NMUR1: variants seen among roughly 807,000 people sequenced by gnomAD.
The protein encoded by NMUR1 is neuromedin U receptor 1.
In NMUR1, 16 loss-of-function variants were observed where a neutral mutation model predicts 18.8. The ratio of observed to expected loss-of-function variants is 0.85; its 90% CI spans 0.58 to 1.29. The LOEUF is 1.29. Ranked by LOEUF, NMUR1 falls within the 50% of genes most tolerant of loss-of-function variation. The pLI is 0.00. For missense variants in NMUR1, 529 were observed against 580.3 expected (o/e 0.91, Z 0.91); for synonymous variants, 258 against 258.2 (o/e 1.00, Z 0.01).
At position 231,528,178 on chromosome 2, in the gene NMUR1, G is replaced by A. The variant is rs781282455; in HGVS notation, c.843C>T (p.Tyr281=). 6.3e-7 allele frequency: 1 copy of A among 1,595,044 alleles called. No homozygotes were observed. Among genetic ancestry groups the A allele is most frequent in the Non-Finnish European group, 8.5e-7 (1 of 1,170,298 alleles). The part of the protein sequence containing the change: ...GRGSAAARSR[Y]TCRLQQHDRG... ...GATCGTGCTGCTGGAGCCTGCAGGT[G>A]TATCTGGACCTGGCTGCTGCAGAGC... The change falls in exon 2 of 3, where the codon TAC becomes TAT. Residue 281 remains tyrosine (Y), a synonymous_variant. Transcript: ENST00000305141.
chr2:231,530,156 G>A (rs986119088), intron 1 of NMUR1, among the ~76,000 whole-genome samples: 1 of 152,202 alleles, frequency 6.6e-6, no homozygotes, highest in African/African-American at 2.4e-5. Context: ...TGGTCCTCGA[G>A]GAAGGGTCGC....
Position 231,528,412 on chromosome 2 carries a change from C to G in NMUR1, c.609G>C (p.Arg203=). The change falls in exon 2 of 3, where the codon CGG becomes CGC. Residue 203 remains arginine (R), a synonymous_variant. Transcript: ENST00000305141. ...GGCCCCGGCAGGGCACGTGCAGCTG[C>G]CGGATGCCGTGCAGGCTGGTGTTGG... ...SLPNTSLHGI[R]QLHVPCRGPV... The G allele has an allele frequency of 6.2e-7, 1 of 1,613,728 alleles. No individual in the cohort carries two copies. The highest frequency in any genetic ancestry group is 1.3e-5 in the African/African-American group (1 of 75,066).
intron 2 of NMUR1, 140 bp from the exon 3 acceptor site, chr2:231,525,565 T>A: frequency 9.8e-7 from 1 of 1,023,758 alleles, no homozygotes; most frequent in Non-Finnish European, 1.4e-6. Flanking sequence ...TGGAAGTTTC[T>A]GGAAATTTGC....
At chr2:231,530,030 A>T (rs948130261) in intron 1 of NMUR1, among the ~76,000 whole-genome samples, 1 of 152,010 alleles carries the variant, frequency 6.6e-6, no homozygotes, top group Non-Finnish European at 1.5e-5. Flanking sequence ...CCTCTCCTCT[A>T]TTGAGCCCCA....
chr2:231,520,525 C>A (rs1448521449), downstream of NMUR1, among the ~76,000 whole-genome samples: 1 of 152,254 alleles, frequency 6.6e-6, no homozygotes, highest in Non-Finnish European at 1.5e-5. Context: ...CACTGAGTCA[C>A]ACAATGAGAG....
At position 231,525,143 on chromosome 2, in the gene NMUR1, G is replaced by A. The variant is rs1174170196; in HGVS notation, c.1181C>T (p.Thr394Ile). 1.9e-6 allele frequency: 3 copies of A among 1,614,006 alleles called. No individual in the cohort carries two copies. Among genetic ancestry groups the A allele is most frequent in the African/African-American group, 2.7e-5 (2 of 74,926 alleles). Residue 394 changes from threonine (T) to isoleucine (I), a missense_variant, in exon 3 of 3, where the codon ACA (threonine) becomes ATA (isoleucine). Coordinates refer to ENST00000305141, the MANE Select transcript of NMUR1 (RefSeq NM_006056.5). ...HSSHSLSRMT[T>I]GSTLCDVGSL... ...GCCCACATCACACAGGGTGCTGCCT[G>A]TGGTCATCCTGCTGAGGCTGTGGGA...
At position 231,528,511 on chromosome 2, in the gene NMUR1, C is replaced by T. The variant is rs1332894163; in HGVS notation, c.510G>A (p.Arg170=). Residue 170 remains arginine, a synonymous_variant, in exon 2 of 3, where the codon AGG becomes AGA. Transcript: ENST00000305141. ...YVAVVHPLQA[R]SMVTRAHVRR... is the part of the protein sequence containing the mutation. ...GCACATGGGCCCGCGTCACCATGGACCTGGCCTGGAGTGGGTGCACCACGG... is the reference window on the plus strand; with the variant it reads ...GCACATGGGCCCGCGTCACCATGGATCTGGCCTGGAGTGGGTGCACCACGG... The T allele has an allele frequency of 3.1e-6, 5 of 1,613,716 alleles. No homozygotes were observed. Among genetic ancestry groups the T allele is most frequent in the East Asian group, 2.2e-5 (1 of 44,900 alleles).
At chr2:231,525,996 C>A (rs1247781448) in intron 2 of NMUR1, among the ~76,000 whole-genome samples, 1 of 152,088 alleles carries the variant, frequency 6.6e-6, no homozygotes, top group East Asian at 1.9e-4. Flanking sequence ...CCTGCCTTGG[C>A]CCCGGCCTTT....
At position 231,528,963 on chromosome 2, in the gene NMUR1, C is replaced by A. The variant is rs749652031; in HGVS notation, c.58G>T (p.Ala20Ser). ...VLPGDLYPGG[A>S]RNPMACNGSA... is the part of the protein sequence containing the mutation. ...CCATTGCAAGCCATGGGGTTCCTTG[C>A]ACCCCCTGGGTACAGGTCTCCAGGG... Residue 20 changes from alanine to serine, a missense_variant, in exon 2 of 3, where the codon GCA becomes TCA. Coordinates refer to ENST00000305141, the MANE Select transcript of NMUR1 (RefSeq NM_006056.5). 2.5e-6 allele frequency: 4 copies of A among 1,613,882 alleles called. No homozygotes were observed. The highest frequency in any genetic ancestry group is 3.4e-6 in the Non-Finnish European group (4 of 1,179,898).
intron 1 of NMUR1, among the ~76,000 whole-genome samples, chr2:231,530,076 C>T (rs2047399629): frequency 6.6e-6 from 1 of 152,238 alleles, no homozygotes; most frequent in African/African-American, 2.4e-5. Flanking sequence ...CCCCGCTGCA[C>T]AGCAGCGCGG....
In NMUR1 at chr2:231,525,088, A is replaced by G. The variant is rs1017748082; in HGVS notation, c.1236T>C (p.Ala412=). 1.2e-6 allele frequency: 2 copies of G among 1,607,400 alleles called. No homozygotes were observed. Among genetic ancestry groups the G allele is most frequent in the Admixed American group, 1.7e-5 (1 of 59,482 alleles). The stretch of plus-strand genomic sequence containing the variant: ...GCTGCGCCTCTGGGCCATCGTTCCC[A>G]GCCAGGGGGTGGACCCAGCTGCCCA... The part of the protein sequence containing the change: ...GSLGSWVHPL[A]GNDGPEAQQE... The change falls in exon 3 of 3, where the codon GCT becomes GCC. Residue 412 remains alanine, a synonymous_variant. Transcript: ENST00000305141.
In NMUR1 at chr2:231,524,981, G is replaced by A; in HGVS notation, c.*62C>T. The A allele has an allele frequency of 1.3e-6, 2 of 1,502,256 alleles. No homozygotes were observed. The highest frequency in any genetic ancestry group is 2.3e-5 in the Admixed American group (1 of 44,412). The allele number at this position is 1,502,256 out of a possible 1,614,324, so 93.1% of individuals were successfully genotyped here. On this transcript the variant is annotated 3_prime_UTR_variant, in exon 3 of 3. Transcript: ENST00000305141. ...GGCATCCCTGCAGAGGAAGGCAGAT[G>A]TGTCTCCCCAGCTCCAGGTGACCCT... is the stretch of plus-strand genomic sequence containing the variant.
Position 231,524,774 on chromosome 2 carries a change from T to C in NMUR1, c.*269A>G, listed in dbSNP as rs1431795443. 2 of 392,484 alleles carry C rather than the reference T, an allele frequency of 5.1e-6. No homozygotes were observed. The highest frequency in any genetic ancestry group is 9.1e-6 in the Non-Finnish European group (2 of 219,522). 24.3% of individuals were successfully genotyped at this position (392,484 alleles called of 1,614,324 possible). On this transcript the variant is annotated 3_prime_UTR_variant, in exon 3 of 3. Coordinates refer to ENST00000305141, the MANE Select transcript of NMUR1 (RefSeq NM_006056.5). ...ACTGCTGAGCCCCAGCTAACTGTGATATTTCTGCAGGGTAAGGATTTGAAC... is the reference window on the plus strand; with the variant it reads ...ACTGCTGAGCCCCAGCTAACTGTGACATTTCTGCAGGGTAAGGATTTGAAC...
chr2:231,527,215 C>T (rs934477607), intron 2 of NMUR1, among the ~76,000 whole-genome samples: 7 of 152,194 alleles, frequency 4.6e-5, no homozygotes, highest in South Asian at 2.1e-4. Context: ...ACCTAGGCCA[C>T]GCCCATCAGA....
At chr2:231,525,571 T>C in intron 2 of NMUR1, 146 bp from the exon 3 acceptor site, 1 of 981,742 alleles carries the variant, frequency 1.0e-6, no homozygotes, top group Non-Finnish European at 1.5e-6. Flanking sequence ...TTTCTGGAAA[T>C]TTGCCTGTTC....
intron 2 of NMUR1, among the ~76,000 whole-genome samples, chr2:231,527,869 C>T (rs914084399): frequency 6.6e-6 from 1 of 152,096 alleles, no homozygotes; most frequent in Non-Finnish European, 1.5e-5. Context: ...TCATGTTGCA[C>T]TGGACTCCAC....
downstream of NMUR1, among the ~76,000 whole-genome samples, chr2:231,519,841 C>T (rs977151187): frequency 6.6e-6 from 1 of 152,166 alleles, no homozygotes; most frequent in African/African-American, 2.4e-5. Context: ...CCTGTAATCC[C>T]AGCACTTTGG....
At chr2:231,527,637 CAAAAAAA>C (rs10522812) in intron 2 of NMUR1, among the ~76,000 whole-genome samples, 2 of 99,984 alleles carry the variant, frequency 2.0e-5, no homozygotes, top group African/African-American at 4.6e-5. Context: ...GACCCTGTCT[CAAAAAAA>C]AAAAAAAAAA....
rs148155196 is a variant in NMUR1 at position 231,528,494 on chromosome 2, G to A, written c.527C>T (p.Ala176Val). Reference sequence around the variant, plus strand: ...GGCCCCAAGCACTCGGCGCACATGGGCCCGCGTCACCATGGACCTGGCCTG... The same window carrying A: ...GGCCCCAAGCACTCGGCGCACATGGACCCGCGTCACCATGGACCTGGCCTG... ...PLQARSMVTR[A>V]HVRRVLGAVW... The change falls in exon 2 of 3, where the codon GCC (alanine) becomes GTC (valine). Residue 176 changes from alanine (A) to valine (V), a missense_variant. Coordinates refer to ENST00000305141, the MANE Select transcript of NMUR1 (RefSeq NM_006056.5). The A allele has an allele frequency of 4.6e-5, 75 of 1,613,708 alleles. No individual in the cohort carries two copies. In the African/African-American group the frequency reaches 5.5e-4, roughly 12 times the overall value.
Sources: allele counts gnomAD v4.1 joint callset (sites outside exome capture counted in the v4.1 genomes callset), GRCh38; gene constraint gnomAD v4.1.1; transcripts MANE v1.5; gene names NCBI Gene and HGNC (gene_info 2026-07-23, HGNC 2026-07-21).